Variants in NFATC3 observed in about 807,000 individuals in gnomAD.
NFATC3 encodes the protein nuclear factor of activated T-cells, cytoplasmic 3.
In NFATC3, 46 loss-of-function variants were observed where a neutral mutation model predicts 98.6. The ratio of observed to expected loss-of-function variants is 0.47; its 90% confidence interval spans 0.37 to 0.60. The LOEUF (loss-of-function observed/expected upper bound fraction) is 0.60, where lower values mean the gene tolerates loss of function less well. Among genes scored for constraint, NFATC3 ranks in the 20% least tolerant of loss-of-function variants. The pLI is 0.00. For synonymous variants in NFATC3, 512 were observed against 472.2 expected (o/e 1.08, Z -1.09); for missense variants, 1,256 against 1,295.5 (o/e 0.97, Z 0.47).
intron 2 of NFATC3, among the ~76,000 whole-genome samples, chr16:68,125,978 C>T (rs1361997149): frequency 2.6e-5 from 4 of 152,156 alleles, no homozygotes; most frequent in South Asian, 2.1e-4. Flanking sequence ...TTGCAGCCTC[C>T]GTCTCCTGGG....
intron 4 of NFATC3, among the ~76,000 whole-genome samples, chr16:68,162,613 T>C (rs1322042294): frequency 6.6e-6 from 1 of 150,904 alleles, no homozygotes; most frequent in East Asian, 1.9e-4. Context: ...TTTAAACATC[T>C]CAATTGGCTT....
chr16:68,086,677 A>AT (rs1204814393), intron 1 of NFATC3: 3 of 985,048 alleles, frequency 3.0e-6, no homozygotes, highest in African/African-American at 3.5e-5. Context: ...AGTAATCCCT[A>AT]TTTTTTCTTG....
At chr16:68,173,571 A>T (rs546328908) in intron 5 of NFATC3, among the ~76,000 whole-genome samples, 16 of 152,322 alleles carry the variant, frequency 1.1e-4, no homozygotes, top group African/African-American at 3.4e-4. Flanking sequence ...TGTCTCAAAA[A>T]AAATAAATAA....
At chr16:68,093,851 G>A (rs1240598655) in intron 1 of NFATC3, among the ~76,000 whole-genome samples, 1 of 152,146 alleles carries the variant, frequency 6.6e-6, no homozygotes, top group East Asian at 1.9e-4. Flanking sequence ...AAGAGTTTAA[G>A]TACAGAAAGA....
intron 1 of NFATC3, among the ~76,000 whole-genome samples, chr16:68,114,108 TG>T (rs1165572455): frequency 6.6e-6 from 1 of 152,262 alleles, no homozygotes; most frequent in Non-Finnish European, 1.5e-5. Flanking sequence ...TCCTGATCCA[TG>T]GGATGTACAG....
chr16:68,214,416 T>G (rs1195534591), intron 9 of NFATC3: 1 of 1,613,990 alleles, frequency 6.2e-7, no homozygotes. Flanking sequence ...CCAGCTCCTT[T>G]CTGGAGAATC....
chr16:68,139,111 T>C (rs1282000176), intron 3 of NFATC3, among the ~76,000 whole-genome samples: 1 of 152,160 alleles, frequency 6.6e-6, no homozygotes, highest in African/African-American at 2.4e-5. Context: ...CACTTTATAC[T>C]GAGAGAGACA....
chr16:68,204,938 ATAGACT>A (rs533942852), intron 9 of NFATC3, among the ~76,000 whole-genome samples: 317 of 151,032 alleles, frequency 2.1e-3, no homozygotes, highest in South Asian at 4.0e-3. Context: ...ATAGCTTTTG[ATAGACT>A]TAGATAAATG....
At chr16:68,144,350 C>G (rs2037920518) in intron 3 of NFATC3, among the ~76,000 whole-genome samples, 1 of 152,096 alleles carries the variant, frequency 6.6e-6, no homozygotes, top group Admixed American at 6.5e-5. Context: ...AATGATACAG[C>G]CACTCTGGAA....
intron 9 of NFATC3, among the ~76,000 whole-genome samples, chr16:68,219,566 C>T (rs1234888837): frequency 6.6e-6 from 1 of 151,716 alleles, no homozygotes; most frequent in Non-Finnish European, 1.5e-5. Context: ...GACACTGTCT[C>T]CTAAAATAAT....
chr16:68,150,487 T>C (rs2038261685), intron 3 of NFATC3, among the ~76,000 whole-genome samples: 1 of 149,260 alleles, frequency 6.7e-6, no homozygotes, highest in African/African-American at 2.5e-5. Flanking sequence ...GAGACTGAAG[T>C]GGAAGGATCC....
At chr16:68,164,964 T>A (rs988579063) in intron 4 of NFATC3, among the ~76,000 whole-genome samples, 1 of 152,166 alleles carries the variant, frequency 6.6e-6, no homozygotes, top group African/African-American at 2.4e-5. Flanking sequence ...TACATAAGAG[T>A]TTTTTTCTTG....
At chr16:68,209,728 GAC>G in intron 9 of NFATC3, 1 of 475,516 alleles carries the variant, frequency 2.1e-6, no homozygotes, top group East Asian at 6.0e-5. Context: ...CTGTAAAATT[GAC>G]AGAGAGGGGA....
In NFATC3 at chr16:68,126,585, C is replaced by G. The variant is rs56328585; in HGVS notation, c.1376C>G (p.Ser459Cys). ...GGTAGCCGAGGGGCAGTAAAAGCAT[C>G]TACTGGGGGACATCCTGTTGTGAAG... Reference protein sequence around the residue: ...TEGSRGAVKASTGGHPVVKLL... With the variant: ...TEGSRGAVKACTGGHPVVKLL... The change falls in exon 3 of 10, where the codon TCT (serine) becomes TGT (cysteine). Residue 459 changes from serine to cysteine, a missense_variant. Transcript: ENST00000346183. 1.2e-6 allele frequency: 2 copies of G among 1,614,042 alleles called. No individual in the cohort carries two copies. The highest frequency in any genetic ancestry group is 1.7e-6 in the Non-Finnish European group (2 of 1,180,042).
intron 3 of NFATC3, among the ~76,000 whole-genome samples, chr16:68,142,239 C>G (rs2037790026): frequency 6.6e-6 from 1 of 152,070 alleles, no homozygotes; most frequent in South Asian, 2.1e-4. Context: ...TTTGTGTCAT[C>G]TATGATTTTT....
intron 3 of NFATC3, among the ~76,000 whole-genome samples, chr16:68,155,705 G>C (rs760947709): frequency 7.0e-6 from 1 of 142,656 alleles, no homozygotes; most frequent in Non-Finnish European, 1.5e-5. Flanking sequence ...CAGTTTAAGA[G>C]CTGTGACCTT....
At chr16:68,086,348 C>T (rs1260145615) in intron 1 of NFATC3, among the ~76,000 whole-genome samples, 2 of 152,114 alleles carry the variant, frequency 1.3e-5, no homozygotes, top group Admixed American at 6.5e-5. Flanking sequence ...TTTCTGGAAA[C>T]TGGATTTCCT....
intron 3 of NFATC3, 89 bp from the exon 4 acceptor site, chr16:68,157,780 T>C (rs2038693692): frequency 5.0e-6 from 5 of 1,003,490 alleles, no homozygotes; most frequent in Non-Finnish European, 5.8e-6. Flanking sequence ...TAGTATATGA[T>C]AGAGATATAA....
chr16:68,128,206 T>G (rs2036939816), intron 3 of NFATC3, among the ~76,000 whole-genome samples: 1 of 152,192 alleles, frequency 6.6e-6, no homozygotes, highest in African/African-American at 2.4e-5. Context: ...TGAAGTGATT[T>G]TCAACAAATA....
Sources: gnomAD v4.1 joint callset for allele counts (sites outside exome capture counted in the v4.1 genomes callset) on GRCh38, gnomAD v4.1.1 for gene constraint, MANE v1.5 for transcripts, NCBI Gene and HGNC (gene_info 2026-07-23, HGNC 2026-07-21) for gene names.